The following ANO10 variants were observed in gnomAD, a reference collection of about 807,000 sequenced individuals.
The protein encoded by ANO10 is anoctamin 10.
Under a neutral mutation model 74.7 loss-of-function variants are expected in ANO10, and 77 were observed. That is an observed-to-expected ratio of 1.03 (90% confidence interval 0.86 to 1.25). The LOEUF (loss-of-function observed/expected upper bound fraction) is 1.25. Ranked by LOEUF, ANO10 falls within the 50% of genes most tolerant of loss-of-function variation. The pLI is 0.00. For missense variants in ANO10, 721 were observed against 778.1 expected, an observed-to-expected ratio of 0.93 and a Z score of 0.87; for synonymous variants, 279 against 284.9, an observed-to-expected ratio of 0.98 and a Z score of 0.21.
chr3:43,602,121 C>G (rs928497548), intron 2 of ANO10, among the ~76,000 whole-genome samples: 3 of 152,144 alleles, frequency 2.0e-5, no homozygotes, highest in African/African-American at 4.8e-5. Context: ...TTCCTCTCTC[C>G]TTTCCCAAGT....
intron 12 of ANO10, among the ~76,000 whole-genome samples, chr3:43,411,134 T>C (rs2092658604): frequency 6.6e-6 from 1 of 152,150 alleles, no homozygotes. Context: ...TGTGTTTTGA[T>C]TTGCTAGTAT....
At chr3:43,670,288 G>A (rs2084042622) in intron 1 of ANO10, among the ~76,000 whole-genome samples, 1 of 151,424 alleles carries the variant, frequency 6.6e-6, no homozygotes, top group African/African-American at 2.4e-5. Context: ...CTTGCGCCTG[G>A]GAGGATGAGG....
At position 43,367,104 on chromosome 3, in the gene ANO10, C is replaced by T. The variant is rs1575575746; in HGVS notation, c.1915-130G>A. 4 of 841,858 alleles carry T rather than the reference C, an allele frequency of 4.8e-6. No homozygotes were observed. In the East Asian group the frequency reaches 1.1e-4, roughly 22 times the overall value. 52.1% of individuals were successfully genotyped at this position (841,858 alleles called of 1,614,324 possible). A position where few individuals can be genotyped will look rare whatever the true frequency, so the allele number is the denominator to read the frequency against. On this transcript the variant is annotated intron_variant, in intron 12 of 12. Transcript: ENST00000292246. Reference sequence around the variant, plus strand: ...GTGGTGACTCTGATGCTGCCTGCAGCTTCCTGCAAGTCCCTGGGTCTGACT... The same window carrying T: ...GTGGTGACTCTGATGCTGCCTGCAGTTTCCTGCAAGTCCCTGGGTCTGACT...
At chr3:43,433,101 C>T (rs1167190997) in intron 11 of ANO10, among the ~76,000 whole-genome samples, 1 of 151,212 alleles carries the variant, frequency 6.6e-6, no homozygotes, top group African/African-American at 2.4e-5. Context: ...ACCATCACAC[C>T]TAACTAATTT....
intron 12 of ANO10, among the ~76,000 whole-genome samples, chr3:43,429,094 G>A (rs987485188): frequency 2.6e-5 from 4 of 152,040 alleles, no homozygotes; most frequent in African/African-American, 7.2e-5. Flanking sequence ...GAGCTAAGAT[G>A]ACTTGAGAGG....
intron 1 of ANO10, among the ~76,000 whole-genome samples, chr3:43,651,282 A>G (rs1439860524): frequency 6.6e-6 from 1 of 152,230 alleles, no homozygotes; most frequent in Non-Finnish European, 1.5e-5. Context: ...TTAATAGTGT[A>G]CAGAAGAAAA....
chr3:43,393,184 T>TG (rs2092311654), intron 12 of ANO10, among the ~76,000 whole-genome samples: 1 of 152,204 alleles, frequency 6.6e-6, no homozygotes, highest in African/African-American at 2.4e-5. Context: ...GCCTACCTCA[T>TG]ATTTCCCTTG....
intron 9 of ANO10, 96 bp downstream of exon 9, chr3:43,561,123 CA>C (rs2080010067): frequency 7.2e-7 from 1 of 1,384,644 alleles, no homozygotes; most frequent in Admixed American, 1.7e-5. Context: ...CTAGAATAGT[CA>C]CATCTGAGAT....
At chr3:43,509,479 A>G (rs756396516) in intron 11 of ANO10, among the ~76,000 whole-genome samples, 4 of 152,236 alleles carry the variant, frequency 2.6e-5, no homozygotes, top group Non-Finnish European at 5.9e-5. Context: ...GAAAATACAA[A>G]TTAAAACTAC....
At chr3:43,584,862 G>A (rs1308249083) in intron 4 of ANO10, among the ~76,000 whole-genome samples, 1 of 152,178 alleles carries the variant, frequency 6.6e-6, no homozygotes, top group Non-Finnish European at 1.5e-5. Flanking sequence ...GATCTGGGGA[G>A]TGTTTCTCAT....
chr3:43,489,642 C>A (rs190601134), intron 11 of ANO10, among the ~76,000 whole-genome samples: 236 of 152,166 alleles, frequency 1.6e-3, no homozygotes, highest in African/African-American at 5.3e-3. Context: ...GGAGATTACA[C>A]AGTTAGACAG....
intron 11 of ANO10, among the ~76,000 whole-genome samples, chr3:43,541,962 C>T (rs149513236): frequency 6.6e-6 from 1 of 152,162 alleles, no homozygotes; most frequent in African/African-American, 2.4e-5. Context: ...GCCATGGACA[C>T]CCATGTGAGG....
rs144412157 is a variant in ANO10 at position 43,530,960 on chromosome 3, G to C, written c.1797+18760C>G. On this transcript the variant is annotated intron_variant, in intron 11 of 12. Coordinates refer to ENST00000292246, the MANE Select transcript of ANO10 (RefSeq NM_018075.5). ...TATACCTTCTCCTTGGGCACACACA[G>C]AATATTCAAAAACCTAATCCTATGT... Among the ~76,000 whole-genome samples, 494 of 152,194 alleles carry C rather than the reference G, an allele frequency of 3.2e-3. 5 individuals carry two copies. Among genetic ancestry groups the C allele is most frequent in the African/African-American group, 0.011 (473 of 41,526 alleles).
At chr3:43,511,669 C>T (rs2077513184) in intron 11 of ANO10, among the ~76,000 whole-genome samples, 1 of 152,166 alleles carries the variant, frequency 6.6e-6, no homozygotes, top group South Asian at 2.1e-4. Context: ...TGAACTGGCC[C>T]TGCTACCTAA....
chr3:43,471,048 A>T (rs1220988642), intron 11 of ANO10, among the ~76,000 whole-genome samples: 1 of 152,248 alleles, frequency 6.6e-6, no homozygotes, highest in African/African-American at 2.4e-5. Flanking sequence ...TTACATCATT[A>T]AACAGATATA....
intron 11 of ANO10, among the ~76,000 whole-genome samples, chr3:43,474,487 C>T (rs2075991402): frequency 6.6e-6 from 1 of 152,122 alleles, no homozygotes; most frequent in Non-Finnish European, 1.5e-5. Flanking sequence ...ATGTTTTAAA[C>T]TGGCTTAGCC....
intron 9 of ANO10, 64 bp downstream of exon 9, chr3:43,561,156 G>T: frequency 6.5e-7 from 1 of 1,547,546 alleles, no homozygotes; most frequent in South Asian, 1.1e-5. Flanking sequence ...AACATTTGTT[G>T]AACTCAGTGC....
At chr3:43,529,607 T>C (rs957045659) in intron 11 of ANO10, among the ~76,000 whole-genome samples, 5 of 152,112 alleles carry the variant, frequency 3.3e-5, no homozygotes, top group African/African-American at 4.8e-5. Context: ...AAAACATATA[T>C]GTAAATGGTA....
At chr3:43,508,827 G>C (rs2077397911) in intron 11 of ANO10, among the ~76,000 whole-genome samples, 2 of 151,522 alleles carry the variant, frequency 1.3e-5, no homozygotes, top group South Asian at 4.2e-4. Context: ...ATAGCATTAG[G>C]AGATATACCT....
Sources: gnomAD v4.1 joint callset for allele counts (sites outside exome capture counted in the v4.1 genomes callset) on GRCh38, gnomAD v4.1.1 for gene constraint, MANE v1.5 for transcripts, NCBI Gene and HGNC (gene_info 2026-07-23, HGNC 2026-07-21) for gene names.